The following TEX261 variants were observed in gnomAD, a reference collection of about 807,000 sequenced individuals.
TEX261 encodes the protein testis expressed 261.
A neutral mutation model predicts 25.1 loss-of-function variants in TEX261; 13 were observed. The observed-to-expected ratio is 0.52, with a 90% CI of 0.34 to 0.82. The LOEUF is 0.82. Among genes scored for constraint, TEX261 ranks in the 40% least tolerant of loss-of-function variants. The pLI is 0.02. For missense variants in TEX261, 206 were observed against 243.2 expected (o/e 0.85, Z 1.02); for synonymous variants, 92 against 97.8 (o/e 0.94, Z 0.35).
rs149762858 is a variant in TEX261, at chr2:70,991,873, G to C, written c.261C>G (p.Phe87Leu). ...TAGGCGAGGTCAGCATGATGAAGGG[G>C]AAGGTCTGGAGGAGGCCAAAGTAGA... The part of the protein sequence containing the change: ...NLVYFGLLQT[F>L]PFIMLTSPNF... Residue 87 changes from phenylalanine (F) to leucine (L), a missense_variant, in exon 3 of 6, where the codon TTC (phenylalanine) becomes TTG (leucine). Transcript: ENST00000272438. 4 of 1,613,742 alleles carry C rather than the reference G, an allele frequency of 2.5e-6. No homozygotes were observed. Among genetic ancestry groups the C allele is most frequent in the East Asian group, 4.5e-5 (2 of 44,882 alleles).
chr2:70,990,749 A>C (rs1553425551), intron 3 of TEX261, among the ~76,000 whole-genome samples: 7 of 152,202 alleles, frequency 4.6e-5, no homozygotes. Context: ...GGTGCCCACA[A>C]GATCTTTTGG....
rs111990193 is a variant in TEX261, at chr2:70,990,231, G to T, written c.305-415C>A. ...ACTCCAAACTCGCAGCAAGGAGAAG[G>T]CCTGCTCAAATAAACAAACTGGGCA... On this transcript the variant is annotated intron_variant, in intron 3 of 5. Transcript: ENST00000272438. Among the ~76,000 whole-genome samples, 91 of 151,262 alleles carry T rather than the reference G, an allele frequency of 6.0e-4. No individual in the cohort carries two copies. In the East Asian group the frequency reaches 0.012, roughly 20 times the overall value.
Position 70,988,575 on chromosome 2 carries a change from C to G in TEX261, c.*25G>C. The G allele has an allele frequency of 6.3e-7, 1 of 1,580,140 alleles. No homozygotes were observed. On this transcript the variant is annotated 3_prime_UTR_variant, in exon 6 of 6. Coordinates refer to ENST00000272438, the MANE Select transcript of TEX261 (RefSeq NM_144582.3). ...AGGGGCCTGACTCTCCTGATCTTGC[C>G]CCCCACATCCTGCCTGCATGGGGGT... is the stretch of plus-strand genomic sequence containing the variant.
chr2:70,993,578 T>C, intron 2 of TEX261, 118 bp downstream of exon 2: 2 of 842,986 alleles, frequency 2.4e-6, no homozygotes, highest in Non-Finnish European at 4.0e-6. Flanking sequence ...GGTAAGAGTG[T>C]ATGCTCAGGA....
rs1351169952 is a variant in TEX261, at chr2:70,986,040, G to C, written c.*2560C>G. ...CCAACACAATCCTTGCCCTCAAGGAGCTTACAGTCTACTGGGGAGATGACC... is the reference window on the plus strand; with the variant it reads ...CCAACACAATCCTTGCCCTCAAGGACCTTACAGTCTACTGGGGAGATGACC... On this transcript the variant is annotated 3_prime_UTR_variant, in exon 6 of 6. Coordinates refer to ENST00000272438, the MANE Select transcript of TEX261 (RefSeq NM_144582.3). 6.6e-6 allele frequency: 1 copy of C among 152,366 alleles called. No homozygotes were observed. Among genetic ancestry groups the C allele is most frequent in the African/African-American group, 2.4e-5 (1 of 41,474 alleles). 9.4% of individuals were successfully genotyped at this position (152,366 alleles called of 1,614,324 possible). A position where few individuals can be genotyped will look rare whatever the true frequency, so the allele number is the denominator to read the frequency against.
chr2:70,993,864 C>T (rs970088204), intron 1 of TEX261, 89 bp from the exon 2 acceptor site: 1 of 975,510 alleles, frequency 1.0e-6, no homozygotes, highest in Non-Finnish European at 1.6e-6. Context: ...CCCCATCCAC[C>T]CTTCATGGAC....
chr2:70,988,844 T>C, intron 5 of TEX261, 71 bp downstream of exon 5: 1 of 1,569,610 alleles, frequency 6.4e-7, no homozygotes. Context: ...TCAGGTTCCC[T>C]CAGTGGACCC....
chr2:70,989,319 C>CA, intron 4 of TEX261: 2 of 481,312 alleles, frequency 4.2e-6, no homozygotes, highest in South Asian at 2.3e-5. Context: ...CCACACCCCC[C>CA]AAAGAAGTGA....
At position 70,988,861 on chromosome 2, in the gene TEX261, A is replaced by G. The variant is rs1670246339; in HGVS notation, c.475+54T>C. ...AGGTTCCCTCAGTGGACCCCTGCCA[A>G]CCCAGGCCTTGCTGGCTTGCCCCCA... On this transcript the variant is annotated intron_variant, in intron 5 of 5. Transcript: ENST00000272438. The G allele has an allele frequency of 1.9e-6, 3 of 1,591,764 alleles. No homozygotes were observed. The African/African-American group carries it at 4.0e-5, about 21-fold the overall frequency.
intron 3 of TEX261, among the ~76,000 whole-genome samples, chr2:70,991,156 C>A (rs1208958855): frequency 6.6e-6 from 1 of 152,202 alleles, no homozygotes; most frequent in Admixed American, 6.5e-5. Context: ...TACCTATATG[C>A]ACCTACTATA....
At chr2:70,992,739 A>G (rs1174865290) in intron 2 of TEX261, among the ~76,000 whole-genome samples, 3 of 151,976 alleles carry the variant, frequency 2.0e-5, no homozygotes, top group African/African-American at 7.3e-5. Context: ...CAAAAAAAAA[A>G]AAAGAAAAAG....
At position 70,988,645 on chromosome 2, in the gene TEX261, G is replaced by A. The variant is rs782748717; in HGVS notation, c.546C>T (p.Ser182=). The change falls in exon 6 of 6, where the codon TCC becomes TCT. Residue 182 remains serine, a synonymous_variant. Transcript: ENST00000272438. Reference sequence around the variant, plus strand: ...TGGGTAGAATGGCCTCTTTGATGAAGGAGAAGACAACCAGGATCCCTAAGC... The same window carrying A: ...TGGGTAGAATGGCCTCTTTGATGAAAGAGAAGACAACCAGGATCCCTAAGC... ...GKRLGILVVF[S]FIKEAILPSR... 6.2e-7 allele frequency: 1 copy of A among 1,614,208 alleles called. No individual in the cohort carries two copies. Among genetic ancestry groups the A allele is most frequent in the East Asian group, 2.2e-5 (1 of 44,874 alleles).
At chr2:70,989,230 C>T in intron 4 of TEX261, 1 of 598,206 alleles carries the variant, frequency 1.7e-6, no homozygotes, top group Admixed American at 2.9e-5. Flanking sequence ...GGCCACAAAC[C>T]CCATATCTTG....
chr2:70,989,408 G>A (rs1670258656), intron 4 of TEX261: 2 of 410,372 alleles, frequency 4.9e-6, no homozygotes, highest in Admixed American at 3.8e-5. Context: ...GGCGGCCACT[G>A]GGAAAAGCTG....
intron 2 of TEX261, among the ~76,000 whole-genome samples, chr2:70,992,403 C>T (rs916242806): frequency 2.6e-5 from 4 of 151,816 alleles, no homozygotes; most frequent in Non-Finnish European, 4.4e-5. Context: ...GCACCCAGCC[C>T]ATTTCTCAAA....
In TEX261 at chr2:70,988,316, T is replaced by C. The variant is rs551726983; in HGVS notation, c.*284A>G. The C allele has an allele frequency of 5.8e-5, 23 of 399,148 alleles. No homozygotes were observed. The highest frequency in any genetic ancestry group is 3.8e-4 in the African/African-American group (19 of 49,478). The allele number at this position is 399,148 out of a possible 1,614,324, so 24.7% of individuals were successfully genotyped here. ...CTGCCCCAGCGGGGCCAGAACCTCCTGACCCACCTTGGAAGGGACAGGGGA... is the reference window on the plus strand; with the variant it reads ...CTGCCCCAGCGGGGCCAGAACCTCCCGACCCACCTTGGAAGGGACAGGGGA... On this transcript the variant is annotated 3_prime_UTR_variant, in exon 6 of 6. Coordinates refer to ENST00000272438, the MANE Select transcript of TEX261 (RefSeq NM_144582.3).
In TEX261 at chr2:70,986,866, C is replaced by CTG. The variant is rs1670196550; in HGVS notation, c.*1732_*1733dup. The CTG allele has an allele frequency of 6.6e-6, 1 of 152,248 alleles. No individual in the cohort carries two copies. Among genetic ancestry groups the CTG allele is most frequent in the Admixed American group, 6.6e-5 (1 of 15,264 alleles). 9.4% of individuals were successfully genotyped at this position (152,248 alleles called of 1,614,324 possible). ...CACAGCAGAACCCTGAAAGACCCTACTGTGCATGGGCAAGTGGAGAAGCCT... is the reference window on the plus strand; with the variant it reads ...CACAGCAGAACCCTGAAAGACCCTACTGTGTGCATGGGCAAGTGGAGAAGCCT... On this transcript the variant is annotated 3_prime_UTR_variant, in exon 6 of 6. Transcript: ENST00000272438.
At position 70,989,965 on chromosome 2, in the gene TEX261, G is replaced by A. The variant is rs116767509; in HGVS notation, c.305-149C>T. ...TCAGAGTAGGCTACTGCCTAGAACC[G>A]TTTCCCATCTGCTAAAATGGGAGAA... On this transcript the variant is annotated intron_variant, in intron 3 of 5. Coordinates refer to ENST00000272438, the MANE Select transcript of TEX261 (RefSeq NM_144582.3). 1,041 of 623,152 alleles carry A rather than the reference G, an allele frequency of 1.7e-3. 5 individuals carry two copies. The African/African-American group carries it at 0.017, about 10-fold the overall frequency. The allele number at this position is 623,152 out of a possible 1,614,324, so 38.6% of individuals were successfully genotyped here.
chr2:70,989,048 C>G (rs1670251729), intron 4 of TEX261, 31 bp from the exon 5 acceptor site: 1 of 1,591,080 alleles, frequency 6.3e-7, no homozygotes, highest in African/African-American at 1.3e-5. Flanking sequence ...GAAGAGGGTG[C>G]CCCGGAGGTG....
Sources: allele counts gnomAD v4.1 joint callset (sites outside exome capture counted in the v4.1 genomes callset), GRCh38; gene constraint gnomAD v4.1.1; transcripts MANE v1.5; gene names NCBI Gene and HGNC (gene_info 2026-07-23, HGNC 2026-07-21).